The following ZNF385D variants were observed in gnomAD, a reference collection of about 807,000 sequenced individuals.
ZNF385D encodes zinc finger protein 659.
Under a neutral mutation model 35.8 loss-of-function variants are expected in ZNF385D, and 15 were observed. The ratio of observed to expected loss-of-function variants is 0.42; its 90% CI spans 0.28 to 0.64. The LOEUF is 0.64. Among genes scored for constraint, ZNF385D ranks in the 30% least tolerant of loss-of-function variants. ZNF385D has a pLI of 0.23. For missense variants in ZNF385D, 474 were observed against 494.6 expected, an observed-to-expected ratio of 0.96 and a Z score of 0.39; for synonymous variants, 212 against 186.8, an observed-to-expected ratio of 1.13 and a Z score of -1.10.
chr3:21,843,648 A>G (rs1695819075), intron 3 of ZNF385D, among the ~76,000 whole-genome samples: 1 of 152,042 alleles, frequency 6.6e-6, no homozygotes, highest in Non-Finnish European at 1.5e-5. Context: ...AATAGAACCA[A>G]GCAGTTATCA....
At chr3:21,826,795 G>A (rs1694665830) in intron 3 of ZNF385D, among the ~76,000 whole-genome samples, 1 of 147,064 alleles carries the variant, frequency 6.8e-6, no homozygotes, top group South Asian at 2.2e-4. Flanking sequence ...AGAAAACATT[G>A]GAGGGTTGAT....
chr3:22,197,933 C>T (rs1353413800), intron 2 of ZNF385D, among the ~76,000 whole-genome samples: 1 of 152,086 alleles, frequency 6.6e-6, no homozygotes, highest in Non-Finnish European at 1.5e-5. Context: ...GCTTTCATAG[C>T]TGTGTGGAGG....
Position 21,943,793 on chromosome 3 carries a change from C to A in ZNF385D, c.325+225024G>T, listed in dbSNP as rs114772226. On this transcript the variant is annotated intron_variant, in intron 3 of 5. Transcript: ENST00000494108. ...TACATGAACAGTAATTTAGTCCTGGCAGTTTAATGGAATGGCCAAACTAAG... is the reference window on the plus strand; with the variant it reads ...TACATGAACAGTAATTTAGTCCTGGAAGTTTAATGGAATGGCCAAACTAAG... Among the ~76,000 whole-genome samples the A allele has an allele frequency of 2.2e-3, 338 of 152,218 alleles. 2 individuals carry two copies. The highest frequency in any genetic ancestry group is 7.7e-3 in the African/African-American group (319 of 41,542).
At chr3:21,798,794 ACTTT>A (rs2072268908) in intron 3 of ZNF385D, among the ~76,000 whole-genome samples, 1 of 152,200 alleles carries the variant, frequency 6.6e-6, no homozygotes, top group East Asian at 1.9e-4. Context: ...TCTCAGTGAT[ACTTT>A]ATTTTATAAA....
chr3:22,210,404 A>G (rs1697444332), intron 2 of ZNF385D, among the ~76,000 whole-genome samples: 1 of 152,050 alleles, frequency 6.6e-6, no homozygotes, highest in African/African-American at 2.4e-5. Context: ...TTAGGCAAGT[A>G]TAATTTTATT....
intron 2 of ZNF385D, among the ~76,000 whole-genome samples, chr3:22,272,856 A>C (rs1177583010): frequency 1.3e-5 from 2 of 152,008 alleles, no homozygotes; most frequent in African/African-American, 4.8e-5. Flanking sequence ...AATGTAGTCT[A>C]AGTGCTCATA....
rs2064768964 is a variant in ZNF385D, at chr3:21,614,057, A to C, written c.166-49373T>G. 5.3e-5 allele frequency among the ~76,000 whole-genome samples: 8 copies of C among 152,210 alleles called. No homozygotes were observed. In the South Asian group the frequency reaches 1.7e-3, roughly 32 times the overall value. ...AGATGACAAAGGTTCTACTTCATTT[A>C]ACATCTGGTTTTCAATGTTGTTGTA... On this transcript the variant is annotated intron_variant, in intron 2 of 7. Transcript: ENST00000281523.
At chr3:21,792,164 A>T (rs2071957601) in intron 3 of ZNF385D, among the ~76,000 whole-genome samples, 1 of 152,212 alleles carries the variant, frequency 6.6e-6, no homozygotes, top group Non-Finnish European at 1.5e-5. Flanking sequence ...TTTCTGGGGC[A>T]TAATTTCCAT....
chr3:22,027,510 C>T (rs1367263400), intron 3 of ZNF385D, among the ~76,000 whole-genome samples: 1 of 152,164 alleles, frequency 6.6e-6, no homozygotes, highest in African/African-American at 2.4e-5. Flanking sequence ...AAGGTCCTGC[C>T]ATCTTCTGCA....
At chr3:21,755,717 A>G (rs1237342568), upstream of ZNF385D, among the ~76,000 whole-genome samples, 1 of 152,202 alleles carries the variant, frequency 6.6e-6, no homozygotes, top group Non-Finnish European at 1.5e-5. Context: ...TTTTAACTCC[A>G]TGACCTCATA....
chr3:21,801,341 T>A (rs149498551), intron 3 of ZNF385D, among the ~76,000 whole-genome samples: 152 of 152,290 alleles, frequency 1.0e-3, no homozygotes, highest in African/African-American at 3.4e-3. Context: ...ACCCATAGAA[T>A]GAGTTAGGAA....
At chr3:21,834,181 C>T (rs1695181002) in intron 3 of ZNF385D, among the ~76,000 whole-genome samples, 1 of 152,072 alleles carries the variant, frequency 6.6e-6, no homozygotes, top group South Asian at 2.1e-4. Flanking sequence ...GTTTGCTTAC[C>T]TCCATTCATT....
intron 2 of ZNF385D, among the ~76,000 whole-genome samples, chr3:22,323,269 G>A (rs1166340450): frequency 1.3e-5 from 2 of 152,076 alleles, no homozygotes; most frequent in Non-Finnish European, 2.9e-5. Context: ...TCCTGACCCT[G>A]CCCACAGACT....
intron 2 of ZNF385D, among the ~76,000 whole-genome samples, chr3:21,610,946 C>T (rs73819319): frequency 0.027 from 4,102 of 152,188 alleles, 190 homozygotes; most frequent in African/African-American, 0.094. Flanking sequence ...ATTCAGTTTC[C>T]CGTGGACTGT....
intron 2 of ZNF385D, among the ~76,000 whole-genome samples, chr3:22,321,163 T>TC: frequency 7.2e-6 from 1 of 138,004 alleles, no homozygotes; most frequent in Non-Finnish European, 1.6e-5. Context: ...CTTATGACCT[T>TC]GTTTTTTTTT....
intron 1 of ZNF385D, among the ~76,000 whole-genome samples, chr3:21,671,195 C>T (rs2066566422): frequency 6.6e-6 from 1 of 152,054 alleles, no homozygotes; most frequent in African/African-American, 2.4e-5. Context: ...TCGTCCCTTC[C>T]TTGAAGTGTC....
At chr3:22,155,992 G>T (rs559423523) in intron 3 of ZNF385D, among the ~76,000 whole-genome samples, 1 of 152,100 alleles carries the variant, frequency 6.6e-6, no homozygotes, top group Non-Finnish European at 1.5e-5. Context: ...GAAATGAAAA[G>T]AAAAATATGA....
At chr3:21,900,730 T>A (rs1699364248) in intron 3 of ZNF385D, among the ~76,000 whole-genome samples, 1 of 152,164 alleles carries the variant, frequency 6.6e-6, no homozygotes, top group Admixed American at 6.5e-5. Flanking sequence ...CATATGTACA[T>A]ACATACACAC....
At chr3:21,906,173 G>C (rs73129340) in intron 3 of ZNF385D, among the ~76,000 whole-genome samples, 3 of 152,086 alleles carry the variant, frequency 2.0e-5, no homozygotes, top group Non-Finnish European at 4.4e-5. Flanking sequence ...CAAATCATTT[G>C]TTCATCCTTC....
Sources: gnomAD v4.1 joint callset for allele counts (sites outside exome capture counted in the v4.1 genomes callset) on GRCh38, gnomAD v4.1.1 for gene constraint, MANE v1.5 for transcripts, NCBI Gene and HGNC (gene_info 2026-07-23, HGNC 2026-07-21) for gene names.